DPH6: variants seen among roughly 807,000 people sequenced by gnomAD.
DPH6 encodes diphthine--ammonia ligase.
Under a neutral mutation model 38.2 loss-of-function variants are expected in DPH6, and 33 were observed. That is an observed-to-expected ratio of 0.86 (90% CI 0.65 to 1.15). The LOEUF is 1.15. Ranked by LOEUF, DPH6 falls within the 50% of genes most tolerant of loss-of-function variation. The pLI, the probability that DPH6 is intolerant of heterozygous loss-of-function variation, is 0.00. For synonymous variants in DPH6, 108 were observed against 103.0 expected (o/e 1.05, Z -0.30); for missense variants, 325 against 320.0 (o/e 1.02, Z -0.12).
At chr15:35,384,508 GC>G (rs1316585169) in intron 6 of DPH6, among the ~76,000 whole-genome samples, 2 of 151,974 alleles carry the variant, frequency 1.3e-5, no homozygotes, top group Non-Finnish European at 2.9e-5. Context: ...AAAAATGTCT[GC>G]AGATATTGCC....
the DPH6 span, among the ~76,000 whole-genome samples, chr15:35,164,121 T>C: frequency 3.3e-5 from 5 of 151,856 alleles, no homozygotes; most frequent in African/African-American, 7.2e-5. Context: ...ACAGTAGATG[T>C]AATTACTGTG....
chr15:35,345,739 T>C (rs1481175401), intron 3 of DPH6, among the ~76,000 whole-genome samples: 1 of 151,956 alleles, frequency 6.6e-6, no homozygotes, highest in Non-Finnish European at 1.5e-5. Flanking sequence ...AGTATATTTT[T>C]AAAACTTAGA....
At chr15:35,313,069 A>T (rs1393094593) in intron 3 of DPH6, among the ~76,000 whole-genome samples, 1 of 151,942 alleles carries the variant, frequency 6.6e-6, no homozygotes, top group African/African-American at 2.4e-5. Flanking sequence ...CTCTACTAAA[A>T]ATACAAAAAA....
chr15:35,178,168 A>G, the DPH6 span, among the ~76,000 whole-genome samples: 1 of 152,212 alleles, frequency 6.6e-6, no homozygotes, highest in Admixed American at 6.6e-5. Context: ...TTTCAAGACT[A>G]AATTGAAACA....
At chr15:35,410,394 G>A (rs1423676360) in intron 6 of DPH6, among the ~76,000 whole-genome samples, 1 of 151,676 alleles carries the variant, frequency 6.6e-6, no homozygotes, top group Non-Finnish European at 1.5e-5. Context: ...AGAGTAATTT[G>A]AAATCTTGGG....
chr15:35,510,862 G>C (rs1486358397), intron 3 of DPH6, among the ~76,000 whole-genome samples: 1 of 152,100 alleles, frequency 6.6e-6, no homozygotes, highest in Non-Finnish European at 1.5e-5. Flanking sequence ...CTAAATCAAA[G>C]AAAAGTGAGG....
At chr15:35,179,376 A>G in the DPH6 span, among the ~76,000 whole-genome samples, 1 of 152,154 alleles carries the variant, frequency 6.6e-6, no homozygotes, top group East Asian at 1.9e-4. Context: ...TTGGAAATAT[A>G]TAGGATGTTT....
chr15:35,507,880 C>A (rs1361343530), intron 3 of DPH6, among the ~76,000 whole-genome samples: 1 of 151,534 alleles, frequency 6.6e-6, no homozygotes, highest in Non-Finnish European at 1.5e-5. Context: ...ATATATAACC[C>A]ATATATATAC....
intron 7 of DPH6, among the ~76,000 whole-genome samples, chr15:35,378,118 TAAAC>T (rs1046680971): frequency 5.8e-4 from 88 of 152,158 alleles, no homozygotes; most frequent in African/African-American, 2.0e-3. Flanking sequence ...ACAAAGAACT[TAAAC>T]AAAATTTACA....
intron 3 of DPH6, among the ~76,000 whole-genome samples, chr15:35,252,189 T>C (rs975638585): frequency 2.0e-4 from 30 of 152,328 alleles, no homozygotes; most frequent in African/African-American, 7.2e-4. Context: ...ATGATAGACA[T>C]GATTTAAGTG....
chr15:35,490,725 T>C (rs980350564), intron 3 of DPH6, among the ~76,000 whole-genome samples: 1 of 152,166 alleles, frequency 6.6e-6, no homozygotes, highest in Admixed American at 6.6e-5. Context: ...TCTGGAAGAA[T>C]GTGATGTCTG....
intron 1 of DPH6, among the ~76,000 whole-genome samples, chr15:35,542,945 A>AATATATATATATATATATATATATAT (rs67141062): frequency 0.024 from 714 of 30,072 alleles, 51 homozygotes; most frequent in Non-Finnish European, 0.027. Flanking sequence ...CCACTTAAGG[A>AATATATATATATATATATATATATAT]ATATATATAT....
At chr15:35,405,309 C>T (rs1392574953) in intron 6 of DPH6, among the ~76,000 whole-genome samples, 1 of 152,000 alleles carries the variant, frequency 6.6e-6, no homozygotes, top group Non-Finnish European at 1.5e-5. Context: ...GTAGTATGGA[C>T]ATTTTAATAA....
the DPH6 span, among the ~76,000 whole-genome samples, chr15:35,192,442 T>G: frequency 1.3e-5 from 2 of 152,214 alleles, no homozygotes; most frequent in African/African-American, 4.8e-5. Flanking sequence ...GTAGTCCAGC[T>G]TGAAGGCAGA....
At chr15:35,486,053 T>C (rs2054393586) in intron 3 of DPH6, among the ~76,000 whole-genome samples, 1 of 152,202 alleles carries the variant, frequency 6.6e-6, no homozygotes, top group South Asian at 2.1e-4. Context: ...TGAGACTTGG[T>C]AATTTATAAA....
At chr15:35,359,882 A>C (rs1265088026) in intron 3 of DPH6, among the ~76,000 whole-genome samples, 1 of 151,832 alleles carries the variant, frequency 6.6e-6, no homozygotes, top group African/African-American at 2.4e-5. Context: ...ATTTTTTTCA[A>C]AATTAAACTT....
chr15:35,267,440 T>C (rs995932668), intron 3 of DPH6, among the ~76,000 whole-genome samples: 2 of 152,328 alleles, frequency 1.3e-5, no homozygotes, highest in Non-Finnish European at 2.9e-5. Flanking sequence ...GGCAAAGGGA[T>C]ACACTTTTTT....
intron 3 of DPH6, among the ~76,000 whole-genome samples, chr15:35,486,007 T>C (rs1201106704): frequency 6.6e-6 from 1 of 152,210 alleles, no homozygotes; most frequent in Non-Finnish European, 1.5e-5. Flanking sequence ...AGATTGGGTG[T>C]ATTAGTCCAT....
At chr15:35,511,098 T>C (rs2054763478) in intron 3 of DPH6, among the ~76,000 whole-genome samples, 1 of 152,132 alleles carries the variant, frequency 6.6e-6, no homozygotes, top group Non-Finnish European at 1.5e-5. Flanking sequence ...AATCTCAGGC[T>C]CCATCCAGAC....
Sources: allele counts gnomAD v4.1 joint callset (sites outside exome capture counted in the v4.1 genomes callset), GRCh38; gene constraint gnomAD v4.1.1; transcripts MANE v1.5; gene names NCBI Gene and HGNC (gene_info 2026-07-23, HGNC 2026-07-21).